Variants in PPP1R36 observed in about 807,000 individuals in gnomAD.
The protein encoded by PPP1R36 is protein phosphatase 1 regulatory subunit 36.
Under a neutral mutation model 53.4 loss-of-function variants are expected in PPP1R36, and 47 were observed. The observed-to-expected ratio is 0.88, with a 90% CI of 0.70 to 1.12. The LOEUF is 1.12. Among genes scored for constraint, PPP1R36 ranks in the 50% most tolerant of loss-of-function variants. The pLI is 0.00. For missense variants in PPP1R36, 456 were observed against 513.9 expected (o/e 0.89, Z 1.09); for synonymous variants, 153 against 170.5 (o/e 0.90, Z 0.80).
chr14:64,561,474 A>T (rs2140224870), intron 3 of PPP1R36, among the ~76,000 whole-genome samples: 1 of 152,362 alleles, frequency 6.6e-6, no homozygotes, highest in East Asian at 1.9e-4. Flanking sequence ...ATTAATAGGT[A>T]GTTAAGGAAG....
At chr14:64,583,900 CTTTTTT>C (rs912391508) in intron 8 of PPP1R36, among the ~76,000 whole-genome samples, 68 of 120,092 alleles carry the variant, frequency 5.7e-4, no homozygotes, top group South Asian at 5.0e-3. Context: ...GTTACCTCCT[CTTTTTT>C]TTTTTTTTTT....
At chr14:64,583,257 ATTTAT>A (rs1054248250) in intron 8 of PPP1R36, among the ~76,000 whole-genome samples, 12 of 151,690 alleles carry the variant, frequency 7.9e-5, no homozygotes, top group East Asian at 5.8e-4. Context: ...TTTATAATCA[ATTTAT>A]TTTAAGTATA....
intron 3 of PPP1R36, among the ~76,000 whole-genome samples, chr14:64,555,819 A>C (rs774149184): frequency 6.6e-5 from 10 of 150,958 alleles, no homozygotes; most frequent in Non-Finnish European, 1.5e-4. Flanking sequence ...ATACATGTAT[A>C]GCTTTCCAAA....
intron 6 of PPP1R36, among the ~76,000 whole-genome samples, chr14:64,566,629 G>A (rs1212915158): frequency 2.0e-5 from 3 of 152,154 alleles, no homozygotes; most frequent in Non-Finnish European, 4.4e-5. Context: ...GTATGGCTAT[G>A]CGTGGCTGTG....
chr14:64,577,050 C>G (rs183626948), intron 8 of PPP1R36, among the ~76,000 whole-genome samples: 1 of 152,288 alleles, frequency 6.6e-6, no homozygotes, highest in Non-Finnish European at 1.5e-5. Context: ...TCTCAGAGTT[C>G]TACAGGCTGC....
chr14:64,574,358 G>T lies in PPP1R36; in HGVS notation c.534-97G>T, dbSNP rs746855294. The T allele has an allele frequency of 1.6e-4, 207 of 1,276,436 alleles. 1 individual carries two copies. The highest frequency in any genetic ancestry group is 2.2e-4 in the Non-Finnish European group (199 of 922,462). The allele number at this position is 1,276,436 out of a possible 1,614,324, so 79.1% of individuals were successfully genotyped here. On this transcript the variant is annotated intron_variant, in intron 7 of 11. Transcript: ENST00000298705. ...TAGCAGAGCAAGACTCTGTCTTAAAGAAAAGAAGAAAAGTTTATAATTCTG... is the reference window on the plus strand; with the variant it reads ...TAGCAGAGCAAGACTCTGTCTTAAATAAAAGAAGAAAAGTTTATAATTCTG...
Position 64,587,320 on chromosome 14 carries a change from G to T in PPP1R36, c.838G>T (p.Glu280Ter). 6.2e-7 allele frequency: 1 copy of T among 1,613,988 alleles called. No homozygotes were observed. Among genetic ancestry groups the T allele is most frequent in the Non-Finnish European group, 8.5e-7 (1 of 1,179,928 alleles). ...NMFNIPRRRREDEESGGEKKR... is the reference protein window; with the variant it reads ...NMFNIPRRRR ...GTTCAACATTCCTCGCAGGAGGCGT[G>T]AAGATGAGGAATCAGGAGGGGAAAA... Residue 280 changes from glutamate to a stop codon, truncating the protein, a stop_gained, in exon 10 of 12, where the codon GAA becomes TAA. Coordinates refer to ENST00000298705, the MANE Select transcript of PPP1R36 (RefSeq NM_172365.3). LOFTEE classifies it high-confidence loss of function.
chr14:64,551,342 G>A (rs965334842), intron 2 of PPP1R36, among the ~76,000 whole-genome samples: 1 of 152,172 alleles, frequency 6.6e-6, no homozygotes. Context: ...GATTTACAGA[G>A]TCCATGTTTT....
intron 7 of PPP1R36, 110 bp downstream of exon 7, chr14:64,568,557 T>G: frequency 2.1e-6 from 1 of 486,768 alleles, no homozygotes; most frequent in Non-Finnish European, 3.6e-6. Context: ...TGAGATGTAC[T>G]AAGACATTTT....
intron 3 of PPP1R36, among the ~76,000 whole-genome samples, chr14:64,554,812 C>A (rs2080134273): frequency 6.6e-6 from 1 of 152,012 alleles, no homozygotes; most frequent in Non-Finnish European, 1.5e-5. Flanking sequence ...GAAAGATAAG[C>A]AGGGGTGGGG....
chr14:64,561,747 T>G, intron 3 of PPP1R36: 1 of 455,902 alleles, frequency 2.2e-6, no homozygotes, highest in South Asian at 1.5e-5. Flanking sequence ...GACTTTTCTC[T>G]CTGACATAGT....
intron 8 of PPP1R36, among the ~76,000 whole-genome samples, chr14:64,581,375 T>C (rs1168415851): frequency 6.6e-6 from 1 of 152,196 alleles, no homozygotes; most frequent in Non-Finnish European, 1.5e-5. Flanking sequence ...AGTCTCCCCT[T>C]ATCTGAGGTC....
At position 64,560,105 on chromosome 14, in the gene PPP1R36, A is replaced by G. The variant is rs1413490213; in HGVS notation, c.183-4646A>G. On this transcript the variant is annotated intron_variant, in intron 3 of 11. Transcript: ENST00000298705. ...GGCAACAAAACTAGAATCTGTCACA[A>G]AAAAAAAAAAAAAAAAAAAAAAAAA... Among the ~76,000 whole-genome samples, 2 of 115,044 alleles carry G rather than the reference A, an allele frequency of 1.7e-5. 1 individual carries two copies. Among genetic ancestry groups the G allele is most frequent in the South Asian group, 5.9e-4 (2 of 3,400 alleles). 75.5% of individuals were successfully genotyped at this position (115,044 alleles called of 152,430 possible). A position where few individuals can be genotyped will look rare whatever the true frequency, so the allele number is the denominator to read the frequency against.
intron 8 of PPP1R36, 190 bp from the exon 9 acceptor site, chr14:64,586,647 T>C: frequency 2.2e-6 from 1 of 453,670 alleles, no homozygotes; most frequent in South Asian, 5.4e-5. Flanking sequence ...GGAGTTTTGA[T>C]CTGGGTAACG....
chr14:64,554,277 G>T (rs907338407), intron 3 of PPP1R36, among the ~76,000 whole-genome samples: 1 of 145,620 alleles, frequency 6.9e-6, no homozygotes, highest in African/African-American at 2.5e-5. Context: ...TCAGCCTCCC[G>T]AGTAGCTGGG....
intron 7 of PPP1R36, among the ~76,000 whole-genome samples, chr14:64,573,441 T>C (rs2080318073): frequency 6.6e-6 from 1 of 152,060 alleles, no homozygotes; most frequent in African/African-American, 2.4e-5. Flanking sequence ...AGTAGTGACA[T>C]AGGGAACGCA....
chr14:64,564,624 T>C, intron 3 of PPP1R36, 127 bp from the exon 4 acceptor site: 2 of 587,418 alleles, frequency 3.4e-6, no homozygotes, highest in Admixed American at 3.5e-5. Flanking sequence ...AATAGATGAA[T>C]TGAACACTGC....
chr14:64,584,868 C>T (rs143553872), intron 8 of PPP1R36, among the ~76,000 whole-genome samples: 13 of 152,308 alleles, frequency 8.5e-5, no homozygotes, highest in Non-Finnish European at 1.3e-4. Context: ...TAGGATCATA[C>T]ATGTAAAGGG....
chr14:64,565,374 T>C lies in PPP1R36; in HGVS notation c.287T>C (p.Leu96Pro), dbSNP rs759472363. The change falls in exon 5 of 12, where the codon CTT becomes CCT. Residue 96 changes from leucine to proline, a missense_variant. Coordinates refer to ENST00000298705, the MANE Select transcript of PPP1R36 (RefSeq NM_172365.3). ...PASDRLTDKR[L>P]AAKDDKSAKA... ...CAAAACAGGTTGACAGATAAAAGAC[T>C]TGCTGCAAAAGATGATAAGTCAGCT... The C allele has an allele frequency of 3.7e-6, 6 of 1,612,514 alleles. No homozygotes were observed. The highest frequency in any genetic ancestry group is 5.1e-6 in the Non-Finnish European group (6 of 1,179,052).
Sources: gnomAD v4.1 joint callset for allele counts (sites outside exome capture counted in the v4.1 genomes callset) on GRCh38, gnomAD v4.1.1 for gene constraint, MANE v1.5 for transcripts, NCBI Gene and HGNC (gene_info 2026-07-23, HGNC 2026-07-21) for gene names.